CPSF7: variants seen among roughly 807,000 people sequenced by gnomAD.
The protein encoded by CPSF7 is cleavage and polyadenylation specific factor 7, also known as cleavage and polyadenylation specificity factor subunit 7.
CPSF7 carries 1 observed loss-of-function variant against 44.3 expected under a neutral mutation model. The ratio of observed to expected loss-of-function variants is 0.02; its 90% CI spans 0.01 to 0.11. The LOEUF is 0.11. Among genes scored for constraint, CPSF7 ranks in the 10% least tolerant of loss-of-function variants. The pLI, the probability that CPSF7 is intolerant of heterozygous loss-of-function variation, is 1.00. For missense variants in CPSF7, 443 were observed against 607.2 expected (o/e 0.73, Z 2.84); for synonymous variants, 202 against 222.0 (o/e 0.91, Z 0.80).
rs115035434 is a variant in CPSF7, at chr11:61,417,178, T to C, written c.524-659A>G. ...AAGATCCGCCCACAGCACAAGCAGATAGCACACAGCTGACAGTAAGGATGC... is the reference window on the plus strand; with the variant it reads ...AAGATCCGCCCACAGCACAAGCAGACAGCACACAGCTGACAGTAAGGATGC... On this transcript the variant is annotated intron_variant, in intron 5 of 9. Transcript: ENST00000439958. Among the ~76,000 whole-genome samples the C allele has an allele frequency of 8.2e-3, 1,244 of 152,240 alleles. 24 individuals are homozygous for C. The highest frequency in any genetic ancestry group is 0.028 in the African/African-American group (1,151 of 41,544).
intron 5 of CPSF7, among the ~76,000 whole-genome samples, chr11:61,418,067 T>A (rs1015330952): frequency 6.6e-6 from 1 of 152,222 alleles, no homozygotes; most frequent in Non-Finnish European, 1.5e-5. Flanking sequence ...AGAGGGGACT[T>A]GAAAATACAA....
At chr11:61,414,439 C>T (rs562481699) in intron 7 of CPSF7, among the ~76,000 whole-genome samples, 1 of 152,248 alleles carries the variant, frequency 6.6e-6, no homozygotes, top group East Asian at 1.9e-4. Flanking sequence ...TGAGCCACTG[C>T]ACCTGGCCTA....
intron 9 of CPSF7, among the ~76,000 whole-genome samples, chr11:61,408,865 G>C (rs934441229): frequency 6.6e-6 from 1 of 152,118 alleles, no homozygotes; most frequent in Admixed American, 6.6e-5. Context: ...CAACCTTCCT[G>C]CTTTCATTTT....
In CPSF7 at chr11:61,403,233, C is replaced by T. The variant is rs1438577266; in HGVS notation, c.*1477G>A. 1.3e-5 allele frequency: 2 copies of T among 152,298 alleles called. No individual in the cohort carries two copies. The highest frequency in any genetic ancestry group is 4.8e-5 in the African/African-American group (2 of 41,418). 9.4% of individuals were successfully genotyped at this position (152,298 alleles called of 1,614,324 possible). On this transcript the variant is annotated 3_prime_UTR_variant, in exon 10 of 10. Coordinates refer to ENST00000439958, the MANE Select transcript of CPSF7 (RefSeq NM_001142565.3). ...GGGTTTAGTCCAATTCAGTCTCTCT[C>T]CTCTGACCCAGAAGGGTCTCTAGTG...
rs769662988 is a variant in CPSF7 at position 61,429,135 on chromosome 11, T to A, written c.54+47A>T. The A allele has an allele frequency of 3.6e-6, 4 of 1,109,600 alleles. No homozygotes were observed. In the East Asian group the frequency reaches 7.2e-5, roughly 20 times the overall value. The allele number at this position is 1,109,600 out of a possible 1,614,324, so 68.7% of individuals were successfully genotyped here. ...CCACTGCCAGTTTGCTGAAAATGATTCCTCAGATGATCAAGGAAAATCCCA... is the reference window on the plus strand; with the variant it reads ...CCACTGCCAGTTTGCTGAAAATGATACCTCAGATGATCAAGGAAAATCCCA... On this transcript the variant is annotated intron_variant, in intron 2 of 9. Coordinates refer to ENST00000439958, the MANE Select transcript of CPSF7 (RefSeq NM_001142565.3).
At position 61,416,404 on chromosome 11, in the gene CPSF7, C is replaced by A. The variant is rs371227588; in HGVS notation, c.639G>T (p.Leu213=). The A allele has an allele frequency of 6.2e-7, 1 of 1,613,618 alleles. No homozygotes were observed. Among genetic ancestry groups the A allele is most frequent in the East Asian group, 2.2e-5 (1 of 44,860 alleles). Residue 213 remains leucine, a synonymous_variant, in exon 6 of 10, where the codon CTG becomes CTT. Coordinates refer to ENST00000439958, the MANE Select transcript of CPSF7 (RefSeq NM_001142565.3). ...CCGAAGGAGGACGATTGAAGTAGGG[C>A]AGCACACTGGGGGGCTTATCCACAC... The part of the protein sequence containing the change: ...SARVDKPPSV[L]PYFNRPPSAL...
At chr11:61,406,588 G>C (rs1859342152) in intron 9 of CPSF7, among the ~76,000 whole-genome samples, 1 of 152,196 alleles carries the variant, frequency 6.6e-6, no homozygotes, top group East Asian at 1.9e-4. Context: ...AAGTGAGGAA[G>C]TAGAAAACCT....
chr11:61,421,180 G>T, intron 3 of CPSF7: 1 of 1,252,136 alleles, frequency 8.0e-7, no homozygotes, highest in Non-Finnish European at 1.1e-6. Flanking sequence ...GGCAGAAAAA[G>T]CAACTACCCA....
At chr11:61,425,259 T>C (rs1313920680) in intron 2 of CPSF7, among the ~76,000 whole-genome samples, 1 of 152,232 alleles carries the variant, frequency 6.6e-6, no homozygotes, top group African/African-American at 2.4e-5. Context: ...TCACAATTCA[T>C]TTTACTTGTT....
intron 1 of CPSF7, 137 bp from the exon 2 acceptor site, chr11:61,429,427 GC>G (rs1268321920): frequency 1.8e-6 from 1 of 547,480 alleles, no homozygotes; most frequent in Non-Finnish European, 3.2e-6. Flanking sequence ...GCTCCGCCCC[GC>G]CCCCGGCCTC....
chr11:61,417,461 T>C (rs1400778921), intron 5 of CPSF7, among the ~76,000 whole-genome samples: 2 of 152,184 alleles, frequency 1.3e-5, no homozygotes, highest in East Asian at 1.9e-4. Flanking sequence ...TGGAATCCAA[T>C]AGAAGAACAA....
intron 2 of CPSF7, among the ~76,000 whole-genome samples, chr11:61,425,447 ATAAC>A (rs1861261218): frequency 6.6e-6 from 1 of 152,256 alleles, no homozygotes; most frequent in African/African-American, 2.4e-5. Flanking sequence ...TTAATACTGA[ATAAC>A]TATCTCAAAG....
At chr11:61,413,713 G>A (rs1860060601) in intron 7 of CPSF7, among the ~76,000 whole-genome samples, 1 of 152,052 alleles carries the variant, frequency 6.6e-6, no homozygotes, top group Non-Finnish European at 1.5e-5. Flanking sequence ...CCTGGCTCAG[G>A]GATAGTGGTC....
chr11:61,413,474 T>C (rs1474225225), intron 7 of CPSF7, among the ~76,000 whole-genome samples: 1 of 151,794 alleles, frequency 6.6e-6, no homozygotes, highest in African/African-American at 2.4e-5. Flanking sequence ...CTACTAAAAA[T>C]ACAAAAACTA....
intron 9 of CPSF7, among the ~76,000 whole-genome samples, chr11:61,410,146 A>G (rs914183349): frequency 1.3e-5 from 2 of 151,094 alleles, no homozygotes; most frequent in African/African-American, 4.9e-5. Context: ...CGCTCAGGCC[A>G]GAGTGCAGTG....
chr11:61,418,586 CTAG>C (rs1375972596), intron 5 of CPSF7, among the ~76,000 whole-genome samples: 1 of 152,148 alleles, frequency 6.6e-6, no homozygotes, highest in Admixed American at 6.5e-5. Flanking sequence ...AATTCTCTTC[CTAG>C]TAGGAGACCC....
chr11:61,412,057 A>G (rs1215125607), intron 7 of CPSF7, 120 bp from the exon 8 acceptor site: 1 of 768,902 alleles, frequency 1.3e-6, no homozygotes, highest in Non-Finnish European at 2.1e-6. Flanking sequence ...CAACCGCGGT[A>G]AAAGAGACAA....
At chr11:61,425,512 C>A (rs1358976505) in intron 2 of CPSF7, among the ~76,000 whole-genome samples, 1 of 152,182 alleles carries the variant, frequency 6.6e-6, no homozygotes, top group Non-Finnish European at 1.5e-5. Flanking sequence ...CATGAAACTT[C>A]CTGCTTCCCT....
At position 61,419,896 on chromosome 11, in the gene CPSF7, C is replaced by G. The variant is rs144980293; in HGVS notation, c.523+53G>C. ...AGAAAACAAACCCACAAACACCCCC[C>G]CCTCATACAGATGGTCTCCACGTAC... On this transcript the variant is annotated intron_variant, in intron 5 of 9. Coordinates refer to ENST00000439958, the MANE Select transcript of CPSF7 (RefSeq NM_001142565.3). 5.4e-3 allele frequency: 8,691 copies of G among 1,600,742 alleles called. 43 individuals carry two copies. Among genetic ancestry groups the G allele is most frequent in the Non-Finnish European group, 6.8e-3 (7,995 of 1,172,994 alleles).
Sources: allele counts gnomAD v4.1 joint callset (sites outside exome capture counted in the v4.1 genomes callset), GRCh38; gene constraint gnomAD v4.1.1; transcripts MANE v1.5; gene names NCBI Gene and HGNC (gene_info 2026-07-23, HGNC 2026-07-21).